SLC15A5: variants seen among roughly 807,000 people sequenced by gnomAD.
The protein encoded by SLC15A5 is Peptide/histidine transporter ENSP00000340402.
SLC15A5 carries 58 observed loss-of-function variants against 56.1 expected under a neutral mutation model. The ratio of observed to expected loss-of-function variants is 1.03; its 90% CI spans 0.84 to 1.29. The LOEUF (loss-of-function observed/expected upper bound fraction) is 1.29, where lower values mean the gene tolerates loss of function less well. SLC15A5 is among the 50% of genes most tolerant of loss of function. The pLI, the probability that SLC15A5 is intolerant of heterozygous loss-of-function variation, is 0.00. For missense variants in SLC15A5, 681 were observed against 672.1 expected (o/e 1.01, Z -0.15); for synonymous variants, 264 against 250.5 (o/e 1.05, Z -0.51).
At chr12:16,258,444 A>G (rs890396340) in intron 2 of SLC15A5, among the ~76,000 whole-genome samples, 1 of 151,768 alleles carries the variant, frequency 6.6e-6, no homozygotes, top group African/African-American at 2.4e-5. Flanking sequence ...TACCTACCCC[A>G]GTAGTCTGGT....
intron 1 of SLC15A5, 30 bp from the exon 2 acceptor site, chr12:16,272,813 G>A (rs1864774649): frequency 3.3e-6 from 5 of 1,514,558 alleles, no homozygotes; most frequent in Non-Finnish European, 4.4e-6. Context: ...AAGAGTAAAT[G>A]TAGCATAGAA....
rs866551368 is a variant in SLC15A5, at chr12:16,235,058, A to G, written c.1162+4623T>C. ...TAGGAAATTTGCTCAGTGTTAATAT[A>G]TCATTCAGTGTTCATGAACTACTCT... On this transcript the variant is annotated intron_variant, in intron 5 of 8. Coordinates refer to ENST00000344941, the MANE Select transcript of SLC15A5 (RefSeq NM_001170798.1). This position sits in a 1 kb window ranked among gnomAD's most constrained non-coding sequence, Gnocchi z 4.1. 6.6e-6 allele frequency among the ~76,000 whole-genome samples: 1 copy of G among 152,036 alleles called. No individual in the cohort carries two copies. Among genetic ancestry groups the G allele is most frequent in the Middle Eastern group, 3.4e-3 (1 of 294 alleles).
chr12:16,264,302 C>G (rs140861393), intron 2 of SLC15A5, among the ~76,000 whole-genome samples: 33 of 152,354 alleles, frequency 2.2e-4, no homozygotes, highest in Middle Eastern at 3.4e-3. Flanking sequence ...GCATTTTGGA[C>G]TTCCACTGGG....
At chr12:16,229,938 G>A (rs762801634) in intron 5 of SLC15A5, among the ~76,000 whole-genome samples, 5 of 152,130 alleles carry the variant, frequency 3.3e-5, no homozygotes, top group Non-Finnish European at 7.4e-5. Context: ...TGCTTAAGAA[G>A]TTAGCAGGAT....
At chr12:16,250,613 G>A (rs1053008880) in intron 3 of SLC15A5, among the ~76,000 whole-genome samples, 14 of 151,936 alleles carry the variant, frequency 9.2e-5, no homozygotes, top group East Asian at 3.9e-4. Context: ...TGAAGATGGC[G>A]TCTAAAATCA....
chr12:16,256,755 A>G (rs1176300412), intron 3 of SLC15A5, among the ~76,000 whole-genome samples: 1 of 151,938 alleles, frequency 6.6e-6, no homozygotes, highest in African/African-American at 2.4e-5. Flanking sequence ...GCTACTCGGG[A>G]GGCTGAGGCA....
intron 3 of SLC15A5, among the ~76,000 whole-genome samples, chr12:16,250,307 G>A (rs1388532087): frequency 6.6e-6 from 1 of 151,938 alleles, no homozygotes; most frequent in African/African-American, 2.4e-5. Flanking sequence ...AAATAAAATG[G>A]TAAAGATGTG....
At chr12:16,199,141 A>C (rs1292319052) in intron 7 of SLC15A5, among the ~76,000 whole-genome samples, 1 of 151,828 alleles carries the variant, frequency 6.6e-6, no homozygotes, top group Non-Finnish European at 1.5e-5. Context: ...CTGTCACCAC[A>C]GCCCTTTGTT....
chr12:16,257,552 C>G (rs974604011), intron 3 of SLC15A5, 149 bp downstream of exon 3: 2 of 535,666 alleles, frequency 3.7e-6, no homozygotes, highest in Non-Finnish European at 5.7e-6. Context: ...TAAAAATATT[C>G]TTGCAGACCA....
intron 3 of SLC15A5, among the ~76,000 whole-genome samples, chr12:16,254,962 T>C (rs1164006903): frequency 1.3e-5 from 2 of 152,110 alleles, no homozygotes; most frequent in African/African-American, 2.4e-5. Context: ...TAAAATATTA[T>C]ATAGTTTTAG....
At chr12:16,205,315 T>A (rs985605088) in intron 7 of SLC15A5, among the ~76,000 whole-genome samples, 1 of 151,798 alleles carries the variant, frequency 6.6e-6, no homozygotes, top group Non-Finnish European at 1.5e-5. Context: ...CAATGACACA[T>A]AATTGATGCA....
At chr12:16,275,506 G>A (rs1297600440) in intron 1 of SLC15A5, among the ~76,000 whole-genome samples, 1 of 152,016 alleles carries the variant, frequency 6.6e-6, no homozygotes, top group Non-Finnish European at 1.5e-5. Flanking sequence ...GAGACTGACT[G>A]AGAACTGGCA....
At chr12:16,265,849 C>A (rs547465834) in intron 2 of SLC15A5, among the ~76,000 whole-genome samples, 1 of 152,084 alleles carries the variant, frequency 6.6e-6, no homozygotes, top group Non-Finnish European at 1.5e-5. Context: ...TTTTGCTTTT[C>A]ATTTATAGAT....
chr12:16,242,581 T>C (rs1358105088), intron 4 of SLC15A5, among the ~76,000 whole-genome samples: 1 of 152,232 alleles, frequency 6.6e-6, no homozygotes, highest in African/African-American at 2.4e-5. Flanking sequence ...TTTTAGAAGC[T>C]ATGGCACTTA....
Position 16,269,349 on chromosome 12 carries a change from G to A in SLC15A5, c.584+3212C>T, listed in dbSNP as rs1864726901. On this transcript the variant is annotated intron_variant, in intron 2 of 8. Coordinates refer to ENST00000344941, the MANE Select transcript of SLC15A5 (RefSeq NM_001170798.1). This position sits in a 1 kb window ranked among gnomAD's most constrained non-coding sequence, Gnocchi z 4.7. Reference sequence around the variant, plus strand: ...GAACAGTGGTTCTCAACTCTAACTGGGCAGCTTTAAAAAATCCTGGTCCCT... The same window carrying A: ...GAACAGTGGTTCTCAACTCTAACTGAGCAGCTTTAAAAAATCCTGGTCCCT... Among the ~76,000 whole-genome samples, 1 of 152,040 alleles carries A rather than the reference G, an allele frequency of 6.6e-6. No homozygotes were observed. Among genetic ancestry groups the A allele is most frequent in the African/African-American group, 2.4e-5 (1 of 41,380 alleles).
chr12:16,208,235 C>T (rs1336110470), intron 7 of SLC15A5, among the ~76,000 whole-genome samples: 1 of 152,196 alleles, frequency 6.6e-6, no homozygotes, highest in South Asian at 2.1e-4. Flanking sequence ...TAAGAAGTCA[C>T]ACTCTCTGGG....
intron 1 of SLC15A5, 61 bp from the exon 2 acceptor site, chr12:16,272,844 A>G (rs1384642958): frequency 9.3e-6 from 13 of 1,400,260 alleles, no homozygotes; most frequent in Non-Finnish European, 1.3e-5. Flanking sequence ...ACCAAATCAC[A>G]TTTTAAACAG....
At chr12:16,227,173 A>G (rs1224074244) in intron 5 of SLC15A5, among the ~76,000 whole-genome samples, 2 of 152,152 alleles carry the variant, frequency 1.3e-5, no homozygotes, top group Non-Finnish European at 2.9e-5. Flanking sequence ...ACTATTTTAA[A>G]TTAAGGACTA....
intron 1 of SLC15A5, among the ~76,000 whole-genome samples, chr12:16,276,544 T>A (rs1864823096): frequency 6.6e-6 from 1 of 152,062 alleles, no homozygotes; most frequent in Non-Finnish European, 1.5e-5. Context: ...ATTTAATTCC[T>A]CACTGTGGTT....
Sources: gnomAD v4.1 joint callset for allele counts (sites outside exome capture counted in the v4.1 genomes callset) on GRCh38, gnomAD v4.1.1 for gene constraint, Gnocchi (gnomAD v3.1) non-coding constraint, MANE v1.5 for transcripts, NCBI Gene and HGNC (gene_info 2026-07-23, HGNC 2026-07-21) for gene names.